IQCJ: variants seen among roughly 807,000 people sequenced by gnomAD.
IQCJ encodes IQ motif containing J, also known as IQ domain-containing protein J.
IQCJ carries 9 observed loss-of-function variants against 11.0 expected under a neutral mutation model. The ratio of observed to expected loss-of-function variants is 0.82; its 90% confidence interval spans 0.49 to 1.43. IQCJ has a LOEUF of 1.43. IQCJ is among the 40% of genes most tolerant of loss of function. The pLI is 0.00. For synonymous variants in IQCJ, 55 were observed against 51.3 expected (o/e 1.07, Z -0.31); for missense variants, 146 against 133.2 (o/e 1.10, Z -0.47).
At chr3:159,160,466 C>A (rs1023299338) in intron 1 of IQCJ, among the ~76,000 whole-genome samples, 1 of 151,696 alleles carries the variant, frequency 6.6e-6, no homozygotes, top group Non-Finnish European at 1.5e-5. Context: ...TCACGCCCAG[C>A]TGATTTTTGT....
intron 3 of IQCJ, 25 bp from the exon 4 acceptor site, chr3:159,262,523 T>TTTTTG (rs1394753773): frequency 8.7e-6 from 14 of 1,608,316 alleles, no homozygotes; most frequent in Middle Eastern, 1.7e-4. Context: ...TGTGTGCTGT[T>TTTTTG]TTTTGTTTTG....
At chr3:159,089,816 T>G (rs932177041) in intron 1 of IQCJ, among the ~76,000 whole-genome samples, 5 of 151,610 alleles carry the variant, frequency 3.3e-5, no homozygotes, top group Non-Finnish European at 7.4e-5. Flanking sequence ...TAGTTATACA[T>G]TCTTCTAAAT....
At chr3:159,088,280 G>C (rs1380971886) in intron 1 of IQCJ, among the ~76,000 whole-genome samples, 1 of 152,116 alleles carries the variant, frequency 6.6e-6, no homozygotes, top group African/African-American at 2.4e-5. Flanking sequence ...TGTGGTCTGA[G>C]AGACAGTTTG....
Position 159,263,549 on chromosome 3 carries a change from A to G in IQCJ, c.*818A>G, listed in dbSNP as rs1728337571. On this transcript the variant is annotated 3_prime_UTR_variant, in exon 4 of 4. Transcript: ENST00000397832. ...TGATAATTTGTAACCAGTCACTGAA[A>G]TGCTGAAAAGTTAGAGAAATGAAGT... 1.0e-6 allele frequency: 1 copy of G among 985,240 alleles called. No individual in the cohort carries two copies. The highest frequency in any genetic ancestry group is 1.2e-6 in the Non-Finnish European group (1 of 829,858). 61.0% of individuals were successfully genotyped at this position (985,240 alleles called of 1,614,324 possible).
At chr3:159,255,135 T>C (rs1339975747) in intron 3 of IQCJ, among the ~76,000 whole-genome samples, 4 of 152,192 alleles carry the variant, frequency 2.6e-5, no homozygotes, top group African/African-American at 7.2e-5. Flanking sequence ...CACCCTGTAT[T>C]ATCACAGGCT....
intron 2 of IQCJ, among the ~76,000 whole-genome samples, chr3:159,248,112 T>C (rs1727380383): frequency 6.6e-6 from 1 of 152,186 alleles, no homozygotes. Flanking sequence ...TTTTTAACCA[T>C]CTTGAGCCCC....
intron 1 of IQCJ, among the ~76,000 whole-genome samples, chr3:159,237,426 A>C (rs1030322246): frequency 2.0e-5 from 3 of 152,228 alleles, no homozygotes; most frequent in Non-Finnish European, 4.4e-5. Context: ...TTGAGACAGG[A>C]GGGTAAAGCC....
chr3:159,122,503 G>A (rs1719435364), intron 1 of IQCJ, among the ~76,000 whole-genome samples: 1 of 152,168 alleles, frequency 6.6e-6, no homozygotes, highest in African/African-American at 2.4e-5. Context: ...TGGCTGCTGG[G>A]AAACTCAGAG....
chr3:159,091,666 A>C (rs60188161), intron 1 of IQCJ, among the ~76,000 whole-genome samples: 82 of 79,758 alleles, frequency 1.0e-3, no homozygotes, highest in Non-Finnish European at 1.3e-4. Context: ...ACACACACAC[A>C]CACGCATGCA....
rs570380781 is a variant in IQCJ, at chr3:159,161,852, G to A, written c.10-83991G>A. ...GATCAGATAGCTGTAGATATGTGGC[G>A]TTATTTCTGAGGGCTCTGTTCTGTT... On this transcript the variant is annotated intron_variant, in intron 1 of 3. Coordinates refer to ENST00000397832, the MANE Select transcript of IQCJ (RefSeq NM_001042706.3). Among the ~76,000 whole-genome samples, 369 of 152,190 alleles carry A rather than the reference G, an allele frequency of 2.4e-3. 2 individuals carry two copies. Among genetic ancestry groups the A allele is most frequent in the African/African-American group, 8.3e-3 (345 of 41,528 alleles).
chr3:159,197,601 A>G (rs1339599297), intron 1 of IQCJ, among the ~76,000 whole-genome samples: 1 of 152,184 alleles, frequency 6.6e-6, no homozygotes, highest in Non-Finnish European at 1.5e-5. Context: ...GAAGGAATAG[A>G]GACTATGCAA....
chr3:159,264,310 G>A (rs936335707), downstream of IQCJ, among the ~76,000 whole-genome samples: 37 of 152,246 alleles, frequency 2.4e-4, no homozygotes, highest in African/African-American at 8.7e-4. Context: ...GTACTGCTTC[G>A]ATTCTAGCAT....
Position 159,167,348 on chromosome 3 carries a change from C to T in IQCJ, c.10-78495C>T, listed in dbSNP as rs963339700. On this transcript the variant is annotated intron_variant, in intron 1 of 3. Coordinates refer to ENST00000397832, the MANE Select transcript of IQCJ (RefSeq NM_001042706.3). The stretch of plus-strand genomic sequence containing the variant: ...AAAGGAAAATTGGTCATCCAAGTCA[C>T]GGAGCTGAAATTGGAACCGAGAACT... Among the ~76,000 whole-genome samples, 9 of 152,268 alleles carry T rather than the reference C, an allele frequency of 5.9e-5. 1 individual carries two copies. The highest frequency in any genetic ancestry group is 1.9e-4 in the African/African-American group (8 of 41,552).
intron 1 of IQCJ, among the ~76,000 whole-genome samples, chr3:159,102,084 C>T (rs1434208178): frequency 6.6e-6 from 1 of 152,172 alleles, no homozygotes; most frequent in African/African-American, 2.4e-5. Flanking sequence ...ATACTAGTAG[C>T]CAGTCAAAAG....
chr3:159,219,232 C>T (rs763393677), intron 1 of IQCJ, among the ~76,000 whole-genome samples: 2 of 152,008 alleles, frequency 1.3e-5, no homozygotes, highest in Non-Finnish European at 2.9e-5. Flanking sequence ...TCAAAGGACT[C>T]CCCCATACAT....
intron 1 of IQCJ, among the ~76,000 whole-genome samples, chr3:159,143,518 T>C (rs1460394496): frequency 1.3e-5 from 2 of 152,224 alleles, no homozygotes; most frequent in Non-Finnish European, 2.9e-5. Flanking sequence ...CCATGGACGC[T>C]GTATTATTCT....
intron 1 of IQCJ, among the ~76,000 whole-genome samples, chr3:159,229,491 T>C (rs930399100): frequency 4.6e-5 from 7 of 152,090 alleles, no homozygotes; most frequent in African/African-American, 1.4e-4. Context: ...GGCTGTGTCT[T>C]CTTAATAGCT....
intron 1 of IQCJ, among the ~76,000 whole-genome samples, chr3:159,170,689 T>A (rs1722440962): frequency 6.6e-6 from 1 of 151,358 alleles, no homozygotes; most frequent in Non-Finnish European, 1.5e-5. Context: ...ATGGTCAGAG[T>A]CAAAGATTAC....
At chr3:159,214,846 A>G (rs1725138200) in intron 1 of IQCJ, among the ~76,000 whole-genome samples, 1 of 152,066 alleles carries the variant, frequency 6.6e-6, no homozygotes, top group South Asian at 2.1e-4. Context: ...GAGTTTGGCT[A>G]TGTATCTATT....
Sources: allele counts gnomAD v4.1 joint callset (sites outside exome capture counted in the v4.1 genomes callset), GRCh38; gene constraint gnomAD v4.1.1; transcripts MANE v1.5; gene names NCBI Gene and HGNC (gene_info 2026-07-23, HGNC 2026-07-21).